The following MYO18B variants were observed in gnomAD, a reference collection of about 807,000 sequenced individuals.
MYO18B encodes myosin XVIIIB, also known as unconventional myosin-XVIIIb.
In MYO18B, 204 loss-of-function variants were observed where a neutral mutation model predicts 273.0. The ratio of observed to expected loss-of-function variants is 0.75; its 90% CI spans 0.67 to 0.84. The LOEUF is 0.84. MYO18B is among the 40% of genes least tolerant of loss of function. The pLI is 0.00. For missense variants in MYO18B, 3,212 were observed against 3,287.6 expected (o/e 0.98, Z 0.56); for synonymous variants, 1,330 against 1,305.7 (o/e 1.02, Z -0.40).
intron 34 of MYO18B, among the ~76,000 whole-genome samples, chr22:25,924,665 C>T (rs1011718634): frequency 3.3e-5 from 5 of 152,052 alleles, no homozygotes; most frequent in Non-Finnish European, 5.9e-5. Context: ...GATTTTATCC[C>T]GGGGGTGGTG....
At chr22:25,873,870 T>G (rs1296761036) in intron 22 of MYO18B, among the ~76,000 whole-genome samples, 3 of 152,240 alleles carry the variant, frequency 2.0e-5, no homozygotes, top group Non-Finnish European at 2.9e-5. Flanking sequence ...CTGCATGTAC[T>G]GCACTTTCCA....
Position 25,769,133 on chromosome 22 carries a change from G to A in MYO18B, c.1217G>A (p.Gly406Asp). 3 of 1,613,652 alleles carry A rather than the reference G, an allele frequency of 1.9e-6. No individual in the cohort carries two copies. Among genetic ancestry groups the A allele is most frequent in the Non-Finnish European group, 1.7e-6 (2 of 1,179,768 alleles). Residue 406 changes from glycine (G) to aspartate (D), a missense_variant, in exon 4 of 44, where the codon GGT becomes GAT. Transcript: ENST00000335473. Reference sequence around the variant, plus strand: ...CCCCAGGGTAAGTCCGGGAACGCAGGTGAAGCTCGGAGTCAGACAGAGAAG... The same window carrying A: ...CCCCAGGGTAAGTCCGGGAACGCAGATGAAGCTCGGAGTCAGACAGAGAAG... ...GQPQGKSGNA[G>D]EARSQTEKGC...
At chr22:26,008,608 T>TGCC (rs3070633) in intron 42 of MYO18B, among the ~76,000 whole-genome samples, 3,686 of 152,350 alleles carry the variant, frequency 0.024, 47 homozygotes, top group Middle Eastern at 0.034. Flanking sequence ...ATCATGCTGC[T>TGCC]GCCGCTGATA....
intron 42 of MYO18B, among the ~76,000 whole-genome samples, chr22:26,008,089 C>T (rs979655938): frequency 6.6e-6 from 1 of 152,158 alleles, no homozygotes; most frequent in Non-Finnish European, 1.5e-5. Flanking sequence ...ATACTTCTTT[C>T]CCTCAGCAAT....
rs398036691 is a variant in MYO18B, at chr22:25,814,294, CTTTTTTTTTTTTTTTTTTTTTTTTT to C, written c.2522-9192_2522-9168del. Among the ~76,000 whole-genome samples, 225 of 59,500 alleles carry C rather than the reference CTTTTTTTTTTTTTTTTTTTTTTTTT, an allele frequency of 3.8e-3. 3 individuals carry two copies. Among genetic ancestry groups the C allele is most frequent in the African/African-American group, 0.012 (205 of 16,772 alleles). 39.0% of individuals were successfully genotyped at this position (59,500 alleles called of 152,430 possible). The stretch of plus-strand genomic sequence containing the variant: ...GCTTGCCATGCTCCCAGGCACCGTT[CTTTTTTTTTTTTTTTTTTTTTTTTT>C]TTTTTTTTTTTTTTTTTTGAGACAG... On this transcript the variant is annotated intron_variant, in intron 12 of 43. Transcript: ENST00000335473.
intron 1 of MYO18B, among the ~76,000 whole-genome samples, chr22:25,743,033 T>C (rs541204196): frequency 6.1e-4 from 93 of 152,390 alleles, no homozygotes; most frequent in African/African-American, 2.1e-3. Context: ...TACAGGCCTC[T>C]GGGCTGCTGC....
intron 15 of MYO18B, among the ~76,000 whole-genome samples, chr22:25,829,584 A>G (rs1167668937): frequency 2.0e-5 from 3 of 151,780 alleles, no homozygotes; most frequent in Non-Finnish European, 4.4e-5. Context: ...TCATGCCTTA[A>G]TCCCAGCACT....
intron 39 of MYO18B, among the ~76,000 whole-genome samples, chr22:25,972,823 G>A (rs1196201906): frequency 6.6e-6 from 1 of 152,108 alleles, no homozygotes; most frequent in Non-Finnish European, 1.5e-5. Flanking sequence ...GGGTGTGGTG[G>A]TGCATGCCTG....
chr22:25,773,415 A>G (rs1156932646), intron 7 of MYO18B, among the ~76,000 whole-genome samples: 1 of 151,898 alleles, frequency 6.6e-6, no homozygotes, highest in African/African-American at 2.4e-5. Flanking sequence ...TCTCAGGGTG[A>G]TGATTCTGGC....
At chr22:26,052,834 G>C in the MYO18B span, among the ~76,000 whole-genome samples, 1 of 147,672 alleles carries the variant, frequency 6.8e-6, no homozygotes, top group Non-Finnish European at 1.5e-5. Context: ...ACGGAGTTTC[G>C]CTCTGTCGCT....
chr22:25,923,340 G>A (rs1385681640), intron 34 of MYO18B, among the ~76,000 whole-genome samples: 1 of 152,216 alleles, frequency 6.6e-6, no homozygotes, highest in Non-Finnish European at 1.5e-5. Flanking sequence ...CCTGGGTCCT[G>A]GGCAAGCCAG....
At chr22:25,994,839 G>A (rs1011288585) in intron 40 of MYO18B, among the ~76,000 whole-genome samples, 9 of 152,202 alleles carry the variant, frequency 5.9e-5, no homozygotes, top group African/African-American at 1.9e-4. Context: ...AATTACACCA[G>A]GAATGAATGG....
intron 12 of MYO18B, among the ~76,000 whole-genome samples, chr22:25,804,834 A>T (rs971978753): frequency 6.6e-6 from 1 of 152,220 alleles, no homozygotes; most frequent in African/African-American, 2.4e-5. Flanking sequence ...GCCTTGGCAG[A>T]TGGGGCACTG....
At chr22:25,894,592 G>A (rs551832941) in intron 27 of MYO18B, 1 of 152,346 alleles carries the variant, frequency 6.6e-6, no homozygotes, top group Admixed American at 6.5e-5. Flanking sequence ...GAACAGTTTA[G>A]TAGAGTCTTG....
At chr22:26,044,683 A>G in the MYO18B span, among the ~76,000 whole-genome samples, 1 of 152,228 alleles carries the variant, frequency 6.6e-6, no homozygotes, top group African/African-American at 2.4e-5. Flanking sequence ...TTCATTTTGG[A>G]GCCAGGAAGA....
intron 31 of MYO18B, among the ~76,000 whole-genome samples, chr22:25,907,754 G>C (rs1394671740): frequency 6.6e-6 from 1 of 152,150 alleles, no homozygotes; most frequent in Non-Finnish European, 1.5e-5. Flanking sequence ...TGAGAAGGGG[G>C]CCGGGCCCGG....
chr22:25,838,208 C>CAG (rs1418778511), intron 17 of MYO18B, among the ~76,000 whole-genome samples: 3 of 151,166 alleles, frequency 2.0e-5, no homozygotes, highest in Non-Finnish European at 4.4e-5. Flanking sequence ...TACATACATA[C>CAG]AGAGAGAGAG....
chr22:25,830,196 T>C (rs1046030991), intron 15 of MYO18B, among the ~76,000 whole-genome samples: 8 of 152,316 alleles, frequency 5.3e-5, no homozygotes, highest in Non-Finnish European at 1.2e-4. Flanking sequence ...TGATGAAACC[T>C]GAGGTCTGAT....
chr22:25,773,023 G>A (rs571051321), intron 7 of MYO18B, among the ~76,000 whole-genome samples: 3 of 152,258 alleles, frequency 2.0e-5, no homozygotes, highest in African/African-American at 4.8e-5. Context: ...CCACATCAAC[G>A]GGGAAACAGA....
Sources: gnomAD v4.1 joint callset for allele counts (sites outside exome capture counted in the v4.1 genomes callset) on GRCh38, gnomAD v4.1.1 for gene constraint, MANE v1.5 for transcripts, NCBI Gene and HGNC (gene_info 2026-07-23, HGNC 2026-07-21) for gene names.